Variants in KCNQ5 observed in about 807,000 individuals in gnomAD.
KCNQ5 encodes potassium voltage-gated channel subfamily Q member 5.
Under a neutral mutation model 98.2 loss-of-function variants are expected in KCNQ5, and 30 were observed. The observed-to-expected ratio is 0.31, with a 90% confidence interval of 0.23 to 0.41. The LOEUF (loss-of-function observed/expected upper bound fraction) is 0.41, where lower values mean the gene tolerates loss of function less well. Ranked by LOEUF, KCNQ5 falls within the 10% of genes least tolerant of loss-of-function variation. KCNQ5 has a pLI of 1.00. For missense variants in KCNQ5, 835 were observed against 1,182.5 expected, an observed-to-expected ratio of 0.71 and a Z score of 4.31; for synonymous variants, 458 against 449.4, an observed-to-expected ratio of 1.02 and a Z score of -0.24.
chr6:73,092,098 GT>G (rs1774279717), intron 5 of KCNQ5, among the ~76,000 whole-genome samples: 2 of 151,338 alleles, frequency 1.3e-5, no homozygotes, highest in Admixed American at 1.3e-4. Context: ...TTGTTTGTTT[GT>G]TTTTTGTTTC....
At chr6:72,624,290 C>T in intron 1 of KCNQ5, among the ~76,000 whole-genome samples, 1 of 152,150 alleles carries the variant, frequency 6.6e-6, no homozygotes, top group Admixed American at 6.5e-5. Flanking sequence ...TCAGAATATA[C>T]TAAAATAATT....
chr6:72,997,194 GA>G (rs1051782939), intron 1 of KCNQ5, among the ~76,000 whole-genome samples: 6 of 152,144 alleles, frequency 3.9e-5, no homozygotes, highest in African/African-American at 1.4e-4. Flanking sequence ...AAGGGAGACT[GA>G]ATCAGAAATC....
rs571255285 is a variant in KCNQ5 at position 73,121,592 on chromosome 6, CA to C, written c.1220+1019del. Among the ~76,000 whole-genome samples, 667 of 152,308 alleles carry C rather than the reference CA, an allele frequency of 4.4e-3. 2 individuals carry two copies. The highest frequency in any genetic ancestry group is 0.015 in the African/African-American group (612 of 41,562). ...CCAGCTGCTTTTCTTCATAGCCCAA[CA>C]AAACCTTAATCCTAGTGGCTTCATG... On this transcript the variant is annotated intron_variant, in intron 8 of 13. Transcript: ENST00000370398.
At chr6:72,798,914 A>C (rs1262186990) in intron 1 of KCNQ5, among the ~76,000 whole-genome samples, 1 of 152,024 alleles carries the variant, frequency 6.6e-6, no homozygotes, top group Admixed American at 6.6e-5. Flanking sequence ...CTTAATTTTT[A>C]AATTTTTATG....
chr6:72,992,666 G>A (rs895653071), intron 1 of KCNQ5, among the ~76,000 whole-genome samples: 2 of 28,120 alleles, frequency 7.1e-5, no homozygotes, highest in Non-Finnish European at 1.1e-4. Context: ...TATATTTAAA[G>A]TTAATATTGT....
intron 1 of KCNQ5, among the ~76,000 whole-genome samples, chr6:72,946,071 A>T (rs1766531935): frequency 6.6e-6 from 1 of 152,184 alleles, no homozygotes; most frequent in Non-Finnish European, 1.5e-5. Flanking sequence ...CTCACGAACC[A>T]CAGTATTTTA....
intron 1 of KCNQ5, among the ~76,000 whole-genome samples, chr6:72,731,357 A>C (rs1770541991): frequency 6.6e-6 from 1 of 152,252 alleles, no homozygotes; most frequent in Admixed American, 6.5e-5. Context: ...CAGTGGATCC[A>C]AGAATTTTTA....
intron 1 of KCNQ5, among the ~76,000 whole-genome samples, chr6:72,822,657 ATG>A (rs1775811294): frequency 6.6e-6 from 1 of 152,144 alleles, no homozygotes; most frequent in African/African-American, 2.4e-5. Flanking sequence ...TCTAGCATTT[ATG>A]GAGAATAGGA....
At chr6:72,767,740 G>C (rs967490528) in intron 1 of KCNQ5, among the ~76,000 whole-genome samples, 69 of 151,938 alleles carry the variant, frequency 4.5e-4, no homozygotes, top group Admixed American at 6.6e-5. Context: ...AAAGATGTTT[G>C]ATACTGTTAG....
At chr6:72,815,040 T>C (rs1345685987) in intron 1 of KCNQ5, among the ~76,000 whole-genome samples, 4 of 152,102 alleles carry the variant, frequency 2.6e-5, no homozygotes, top group Non-Finnish European at 5.9e-5. Flanking sequence ...AAGTGGACCA[T>C]GGTCAGGAAA....
At chr6:72,799,429 C>T (rs1238862756) in intron 1 of KCNQ5, among the ~76,000 whole-genome samples, 2 of 152,162 alleles carry the variant, frequency 1.3e-5, no homozygotes. Flanking sequence ...GCCAAACTGA[C>T]ACATAAAACT....
At chr6:72,644,345 T>A (rs1214237134) in intron 1 of KCNQ5, among the ~76,000 whole-genome samples, 2 of 152,176 alleles carry the variant, frequency 1.3e-5, no homozygotes, top group Non-Finnish European at 2.9e-5. Context: ...ATGTTGTTTA[T>A]CTTACACATA....
At chr6:73,107,653 G>A (rs1261705992) in intron 6 of KCNQ5, among the ~76,000 whole-genome samples, 1 of 152,124 alleles carries the variant, frequency 6.6e-6, no homozygotes, top group Admixed American at 6.5e-5. Context: ...ATCACAGGGA[G>A]GTTAAATATG....
At chr6:72,889,401 T>C (rs1778974648) in intron 1 of KCNQ5, among the ~76,000 whole-genome samples, 1 of 152,162 alleles carries the variant, frequency 6.6e-6, no homozygotes, top group Non-Finnish European at 1.5e-5. Context: ...GATGCATTTA[T>C]AGTGTGTATT....
intron 1 of KCNQ5, among the ~76,000 whole-genome samples, chr6:72,771,132 G>T (rs1402570468): frequency 6.6e-6 from 1 of 152,070 alleles, no homozygotes; most frequent in Non-Finnish European, 1.5e-5. Context: ...GGATGAAAGT[G>T]AGAGAAACAG....
chr6:72,842,842 T>C (rs1202846230), intron 1 of KCNQ5, among the ~76,000 whole-genome samples: 2 of 152,236 alleles, frequency 1.3e-5, no homozygotes. Flanking sequence ...TCTTTGTGTT[T>C]TTCTTGTAAA....
chr6:72,867,208 A>G (rs1362736913), intron 1 of KCNQ5, among the ~76,000 whole-genome samples: 2 of 152,264 alleles, frequency 1.3e-5, no homozygotes, highest in Non-Finnish European at 2.9e-5. Flanking sequence ...AAATTTGCTT[A>G]GCTTTTGCTT....
At chr6:73,011,944 C>G (rs1475283589) in intron 2 of KCNQ5, among the ~76,000 whole-genome samples, 5 of 152,026 alleles carry the variant, frequency 3.3e-5, no homozygotes, top group Non-Finnish European at 5.9e-5. Context: ...GTTAGGATGG[C>G]TACTATCACA....
chr6:72,797,911 A>G (rs1442828767), intron 1 of KCNQ5, among the ~76,000 whole-genome samples: 1 of 152,200 alleles, frequency 6.6e-6, no homozygotes, highest in Non-Finnish European at 1.5e-5. Flanking sequence ...TAATTCTTAA[A>G]TGGCTCAAAT....
Sources: gnomAD v4.1 joint callset for allele counts (sites outside exome capture counted in the v4.1 genomes callset) on GRCh38, gnomAD v4.1.1 for gene constraint, MANE v1.5 for transcripts, NCBI Gene and HGNC (gene_info 2026-07-23, HGNC 2026-07-21) for gene names.